SCARF2: variants seen among roughly 807,000 people sequenced by gnomAD.
The protein encoded by SCARF2 is scavenger receptor class F member 2.
In SCARF2, 39 loss-of-function variants were observed where a neutral mutation model predicts 73.4. The observed-to-expected ratio is 0.53, with a 90% CI of 0.41 to 0.69. SCARF2 has a LOEUF of 0.69. Among genes scored for constraint, SCARF2 ranks in the 30% least tolerant of loss-of-function variants. SCARF2 has a pLI of 0.00. For synonymous variants in SCARF2, 605 were observed against 590.0 expected (o/e 1.03, Z -0.37); for missense variants, 1,148 against 1,303.5 (o/e 0.88, Z 1.84).
chr22:20,436,062 T>G (rs1213707649), intron 1 of SCARF2, among the ~76,000 whole-genome samples: 2 of 152,230 alleles, frequency 1.3e-5, no homozygotes, highest in Non-Finnish European at 2.9e-5. Context: ...CGATCTCCAC[T>G]TAGCCCCATG....
At chr22:20,434,079 C>G (rs2052673643) in intron 1 of SCARF2, among the ~76,000 whole-genome samples, 1 of 152,224 alleles carries the variant, frequency 6.6e-6, no homozygotes, top group Non-Finnish European at 1.5e-5. Context: ...GCTCTTTGAG[C>G]TTCAGGCTCC....
At chr22:20,432,964 G>A (rs1181214457) in intron 1 of SCARF2, among the ~76,000 whole-genome samples, 1 of 152,204 alleles carries the variant, frequency 6.6e-6, no homozygotes, top group South Asian at 2.1e-4. Flanking sequence ...TGATCCGCCC[G>A]CCTCGGCCTC....
rs1447764081 is a variant in SCARF2 at position 20,431,172 on chromosome 22, G to C, written c.700C>G (p.Arg234Gly). The C allele has an allele frequency of 1.3e-6, 2 of 1,566,044 alleles. No individual in the cohort carries two copies. The highest frequency in any genetic ancestry group is 3.6e-5 in the Admixed American group (2 of 55,072). Residue 234 changes from arginine (R) to glycine (G), a missense_variant, in exon 4 of 11, where the codon CGT (arginine) becomes GGT (glycine). Physicochemically the swap from Arg to Gly is moderately radical, Grantham distance 125. This residue lies in a region of SCARF2 where 372 missense variants were observed against 532.0 expected (regional missense o/e 0.70). Transcript: ENST00000622235. ...QQSGRCQCRERTFGARCDRYC... is the reference protein window; with the variant it reads ...QQSGRCQCREGTFGARCDRYC... ...CGATCGCAGCGCGCGCCGAACGTAC[G>C]CTCGCGGCACTGACAGCGGCCGCTC...
In SCARF2 at chr22:20,431,038, G is replaced by C; in HGVS notation, c.834C>G (p.Tyr278Ter). The C allele has an allele frequency of 1.3e-6, 2 of 1,575,018 alleles. No homozygotes were observed. Among genetic ancestry groups the C allele is most frequent in the Non-Finnish European group, 1.7e-6 (2 of 1,168,730 alleles). The change falls in exon 4 of 11, where the codon TAC becomes TAG. Residue 278 changes from tyrosine to a stop codon, truncating the protein, a stop_gained. Transcript: ENST00000622235. LOFTEE classifies it high-confidence loss of function. ...CTTACCGGCGGCGACAGCCCAAGCC[G>C]TAGAAGCCGGCGGGGCACGGCTCGC... Reference protein sequence around the residue: ...YCREPCPAGFYGLGCRRRCGQ... With the variant: ...YCREPCPAGF
Position 20,431,063 on chromosome 22 carries a change from C to A in SCARF2, c.809G>T (p.Arg270Leu), listed in dbSNP as rs751294924. 1 of 1,556,630 alleles carries A rather than the reference C, an allele frequency of 6.4e-7. No individual in the cohort carries two copies. Among genetic ancestry groups the A allele is most frequent in the Non-Finnish European group, 8.6e-7 (1 of 1,159,082 alleles). The change falls in exon 4 of 11, where the codon CGC becomes CTC. Residue 270 changes from arginine to leucine, a missense_variant. Physicochemically the swap from Arg to Leu is moderately radical, Grantham distance 102. Coordinates refer to ENST00000622235, the MANE Select transcript of SCARF2 (RefSeq NM_182895.5). Reference protein sequence around the residue: ...CEPGYRGKYCREPCPAGFYGL... With the variant: ...CEPGYRGKYCLEPCPAGFYGL... Reference sequence around the variant, plus strand: ...GTAGAAGCCGGCGGGGCACGGCTCGCGACAGTACTTGCCGCGGTAGCCCGG... The same window carrying A: ...GTAGAAGCCGGCGGGGCACGGCTCGAGACAGTACTTGCCGCGGTAGCCCGG...
chr22:20,426,375 C>G (rs2052579094), intron 10 of SCARF2, 93 bp from the exon 11 acceptor site: 3 of 1,403,552 alleles, frequency 2.1e-6, no homozygotes, highest in Non-Finnish European at 2.9e-6. Flanking sequence ...CCTCCTCTAC[C>G]CACGCCCTTG....
At position 20,425,814 on chromosome 22, in the gene SCARF2, G is replaced by C. The variant is rs779672830; in HGVS notation, c.2162C>G (p.Pro721Arg). 5.2e-6 allele frequency: 8 copies of C among 1,531,506 alleles called. No homozygotes were observed. The East Asian group carries it at 1.9e-4, about 36-fold the overall frequency. 94.9% of individuals were successfully genotyped at this position (1,531,506 alleles called of 1,614,324 possible). Residue 721 changes from proline (P) to arginine (R), a missense_variant, in exon 11 of 11, where the codon CCG (proline) becomes CGG (arginine). This residue lies in a region of SCARF2 where 437 missense variants were observed against 433.6 expected (regional missense o/e 1.01). Coordinates refer to ENST00000622235, the MANE Select transcript of SCARF2 (RefSeq NM_182895.5). The surrounding 1 kb of genome is among the most constrained non-coding windows in gnomAD (Gnocchi z 4.6). Reference protein sequence around the residue: ...HGSPRTRDPTPRPPGLPEEAT... With the variant: ...HGSPRTRDPTRRPPGLPEEAT... ...CTCCTCGGGCAGCCCGGGGGGCCGC[G>C]GCGTTGGGTCGCGGGTCCGGGGGCT... is the stretch of plus-strand genomic sequence containing the variant.
chr22:20,436,992 C>T (rs1475104895), intron 1 of SCARF2, among the ~76,000 whole-genome samples: 1 of 152,230 alleles, frequency 6.6e-6, no homozygotes, highest in Non-Finnish European at 1.5e-5. Context: ...CTCCGGTCCC[C>T]TGTGCCTGTC....
In SCARF2 at chr22:20,433,968, C is replaced by A. The variant is rs574746265; in HGVS notation, c.174-1980G>T. 3.9e-4 allele frequency among the ~76,000 whole-genome samples: 60 copies of A among 152,354 alleles called. 1 individual carries two copies. In the South Asian group the frequency reaches 0.011, roughly 29 times the overall value. ...AGCACTAACCCCCTTCTGCCCTGGA[C>A]ATAAGGCTCTGTGGCTAGGACCCTC... On this transcript the variant is annotated intron_variant, in intron 1 of 10. Transcript: ENST00000622235.
At position 20,429,337 on chromosome 22, in the gene SCARF2, C is replaced by T. The variant is rs1047777195; in HGVS notation, c.1428G>A (p.Glu476=). 1.2e-6 allele frequency: 2 copies of T among 1,610,890 alleles called. No individual in the cohort carries two copies. Among genetic ancestry groups the T allele is most frequent in the South Asian group, 1.1e-5 (1 of 90,908 alleles). The change falls in exon 9 of 11, where the codon GAG becomes GAA. Residue 476 remains glutamate, a synonymous_variant. Transcript: ENST00000622235. This position sits in a 1 kb window ranked among gnomAD's most constrained non-coding sequence, Gnocchi z 5.2. ...ACRGKDPTRR[E]LSLGRKKAPH... ...GCGCCTTCTTCCTCCCAAGCGAAAG[C>T]TCCCTGCGGGGGCGGGGTCTGAGCG...
Position 20,431,323 on chromosome 22 carries a change from G to T in SCARF2, c.549C>A (p.Ser183Arg). The T allele has an allele frequency of 6.6e-7, 1 of 1,508,634 alleles. No individual in the cohort carries two copies. The highest frequency in any genetic ancestry group is 1.2e-5 in the South Asian group (1 of 81,208). The allele number at this position is 1,508,634 out of a possible 1,614,324, so 93.5% of individuals were successfully genotyped here. A position where few individuals can be genotyped will look rare whatever the true frequency, so the allele number is the denominator to read the frequency against. Residue 183 changes from serine (S) to arginine (R), a missense_variant, in exon 4 of 11, where the codon AGC (serine) becomes AGA (arginine). By Grantham distance (110) the Ser-to-Arg change is moderately radical (BLOSUM62 -1). This residue lies in a region of SCARF2 where 372 missense variants were observed against 532.0 expected (regional missense o/e 0.70). Transcript: ENST00000622235. Reference protein sequence around the residue: ...EPGWWGAQCASACYCSATSRC... With the variant: ...EPGWWGAQCARACYCSATSRC... ...GCGACGTGGCGCTGCAGTAGCACGCGCTGGCGCACTGCGCGCCCCACCAGC... is the reference window on the plus strand; with the variant it reads ...GCGACGTGGCGCTGCAGTAGCACGCTCTGGCGCACTGCGCGCCCCACCAGC...
chr22:20,437,342 T>C (rs1248944693), intron 1 of SCARF2, among the ~76,000 whole-genome samples: 5 of 152,226 alleles, frequency 3.3e-5, no homozygotes, highest in Non-Finnish European at 7.3e-5. Context: ...TGTCATCCCC[T>C]GGGTGCCCAC....
Position 20,426,263 on chromosome 22 carries a change from C to T in SCARF2, c.1713G>A (p.Arg571=), listed in dbSNP as rs1005655055. The part of the protein sequence containing the change: ...VPHEEAPAES[R]DPEVPTVPAE... The stretch of plus-strand genomic sequence containing the variant: ...CAGGGACAGTGGGGACTTCGGGGTC[C>T]CGGCTCTCCGCTGGTGCCTCTGGCA... Residue 571 remains arginine, a synonymous_variant, in exon 11 of 11, where the codon CGG becomes CGA. Transcript: ENST00000622235. 5 of 1,534,692 alleles carry T rather than the reference C, an allele frequency of 3.3e-6. No individual in the cohort carries two copies. The highest frequency in any genetic ancestry group is 2.0e-5 in the Admixed American group (1 of 50,732).
Position 20,432,057 on chromosome 22 carries a change from C to T in SCARF2, c.174-69G>A, listed in dbSNP as rs1244595774. ...AGCCCCCATCTGCTCCGGGCTCCTC[C>T]GCAGCCTCCGCACAGCCTCCCTGCC... is the stretch of plus-strand genomic sequence containing the variant. On this transcript the variant is annotated intron_variant, in intron 1 of 10. Transcript: ENST00000622235. 7.5e-6 allele frequency: 11 copies of T among 1,476,078 alleles called. No individual in the cohort carries two copies. The African/African-American group carries it at 9.7e-5, about 13-fold the overall frequency. The allele number at this position is 1,476,078 out of a possible 1,614,324, so 91.4% of individuals were successfully genotyped here.
In SCARF2 at chr22:20,430,821, G is replaced by T; in HGVS notation, c.942C>A (p.Cys314Ter). The change falls in exon 5 of 11, where the codon TGC (cysteine) becomes TGA (stop). Residue 314 changes from cysteine (C) to a stop codon, truncating the protein, a stop_gained. Coordinates refer to ENST00000622235, the MANE Select transcript of SCARF2 (RefSeq NM_182895.5). LOFTEE classifies it high-confidence loss of function. ...AGAAACCGGTGGCGCAAGGCTGGTC[G>T]CACTTGGTTCCGTTCCAGCCGGGCT... ...TCEPGWNGTK[C>*]DQPCATGFYG... 1 of 1,607,086 alleles carries T rather than the reference G, an allele frequency of 6.2e-7. No individual in the cohort carries two copies. The highest frequency in any genetic ancestry group is 8.5e-7 in the Non-Finnish European group (1 of 1,177,918).
chr22:20,431,215 C>A lies in SCARF2; in HGVS notation c.657G>T (p.Ser219=). ...GGCCGCTCTGCTGCTCGCAGGGAGA[C>A]GAGTTGCAGGCGCACTGGTTGTTGC... The part of the protein sequence containing the change: ...RSCNNQCACN[S]SPCEQQSGRC... The change falls in exon 4 of 11, where the codon TCG becomes TCT. Residue 219 remains serine, a synonymous_variant. Transcript: ENST00000622235. 1 of 1,561,462 alleles carries A rather than the reference C, an allele frequency of 6.4e-7. No homozygotes were observed. Among genetic ancestry groups the A allele is most frequent in the Non-Finnish European group, 8.6e-7 (1 of 1,162,040 alleles).
intron 9 of SCARF2, among the ~76,000 whole-genome samples, chr22:20,428,943 A>G (rs1569107465): frequency 6.6e-6 from 1 of 152,066 alleles, no homozygotes; most frequent in African/African-American, 2.4e-5. Flanking sequence ...CGGGACCCAG[A>G]TGTCCACACA....
chr22:20,428,406 GTGAT>G (rs950423810), intron 9 of SCARF2, among the ~76,000 whole-genome samples: 3 of 152,068 alleles, frequency 2.0e-5, no homozygotes, highest in Admixed American at 2.0e-4. Flanking sequence ...CCAGGTTCAA[GTGAT>G]TCTCTTGCCT....
In SCARF2 at chr22:20,429,970, G is replaced by T. The variant is rs1374462063; in HGVS notation, c.1203-137C>A. Reference sequence around the variant, plus strand: ...TCTCTCGCTGCATTCGTCGTCTAGGGATTGAAGCCCCGCCCCGCCCGTGGC... The same window carrying T: ...TCTCTCGCTGCATTCGTCGTCTAGGTATTGAAGCCCCGCCCCGCCCGTGGC... On this transcript the variant is annotated intron_variant, in intron 6 of 10. Transcript: ENST00000622235. The surrounding 1 kb of genome is among the most constrained non-coding windows in gnomAD (Gnocchi z 5.2). 1.2e-6 allele frequency: 1 copy of T among 831,602 alleles called. No homozygotes were observed. Among genetic ancestry groups the T allele is most frequent in the Non-Finnish European group, 1.9e-6 (1 of 529,012 alleles). 51.5% of individuals were successfully genotyped at this position (831,602 alleles called of 1,614,324 possible).
Sources: gnomAD v4.1 joint callset for allele counts (sites outside exome capture counted in the v4.1 genomes callset) on GRCh38, gnomAD v4.1.1 for gene constraint, gnomAD v4.1.1 regional missense constraint, Gnocchi (gnomAD v3.1) non-coding constraint, MANE v1.5 for transcripts, NCBI Gene and HGNC (gene_info 2026-07-23, HGNC 2026-07-21) for gene names.